Variants in PDZRN4 observed in about 807,000 individuals in gnomAD.
PDZRN4 encodes the protein PDZ domain containing ring finger 4.
In PDZRN4, 70 loss-of-function variants were observed where a neutral mutation model predicts 99.0. The observed-to-expected ratio is 0.71, with a 90% CI of 0.58 to 0.86. The LOEUF (loss-of-function observed/expected upper bound fraction) is 0.86, where lower values mean the gene tolerates loss of function less well. Ranked by LOEUF, PDZRN4 falls within the 40% of genes least tolerant of loss-of-function variation. PDZRN4 has a pLI of 0.00. For synonymous variants in PDZRN4, 551 were observed against 501.6 expected (o/e 1.10, Z -1.32); for missense variants, 1,474 against 1,331.2 (o/e 1.11, Z -1.67).
In PDZRN4 at chr12:41,573,414, T is replaced by G; in HGVS notation, c.2635T>G (p.Ser879Ala). ...CAGCTTGGTGAGCATGTGCAAGGAG[T>G]CTCAGAAGTGTTCAGAGCCCAAGAT... ...QLSLVSMCKE[S>A]QKCSEPKMEW... Residue 879 changes from serine (S) to alanine (A), a missense_variant, in exon 10 of 10, where the codon TCT (serine) becomes GCT (alanine). By Grantham distance (99) the Ser-to-Ala change is moderately conservative. Coordinates refer to ENST00000402685, the MANE Select transcript of PDZRN4 (RefSeq NM_001164595.2). The G allele has an allele frequency of 6.2e-7, 1 of 1,613,070 alleles. No individual in the cohort carries two copies. The highest frequency in any genetic ancestry group is 8.5e-7 in the Non-Finnish European group (1 of 1,179,900).
chr12:41,195,909 G>T (rs1950768448), intron 3 of PDZRN4, among the ~76,000 whole-genome samples: 1 of 151,976 alleles, frequency 6.6e-6, no homozygotes. Flanking sequence ...ATTATTAGAA[G>T]AACTGATGGA....
chr12:41,461,272 G>T, intron 3 of PDZRN4, among the ~76,000 whole-genome samples: 1 of 151,540 alleles, frequency 6.6e-6, no homozygotes, highest in South Asian at 2.1e-4. Flanking sequence ...ATAGGTAAAC[G>T]TGCATCATGG....
chr12:41,274,538 A>G (rs1255333853), intron 3 of PDZRN4, among the ~76,000 whole-genome samples: 3 of 152,162 alleles, frequency 2.0e-5, no homozygotes, highest in Non-Finnish European at 4.4e-5. Context: ...AGTACCATAG[A>G]TGCTCAGGGA....
At chr12:41,216,193 T>A (rs1348057768) in intron 3 of PDZRN4, among the ~76,000 whole-genome samples, 2 of 152,000 alleles carry the variant, frequency 1.3e-5, no homozygotes, top group African/African-American at 4.8e-5. Context: ...ATTCAAAGTA[T>A]TGTTCTGGAC....
At chr12:41,387,171 G>A (rs1240954982) in intron 3 of PDZRN4, among the ~76,000 whole-genome samples, 2 of 152,134 alleles carry the variant, frequency 1.3e-5, no homozygotes, top group Admixed American at 6.5e-5. Context: ...ACTATCAACA[G>A]AGTACATAAC....
intron 3 of PDZRN4, among the ~76,000 whole-genome samples, chr12:41,355,342 A>G (rs1389973495): frequency 2.0e-5 from 3 of 151,994 alleles, no homozygotes; most frequent in Non-Finnish European, 2.9e-5. Flanking sequence ...CTTTGTTAGG[A>G]TGGGCCCTAC....
intron 3 of PDZRN4, among the ~76,000 whole-genome samples, chr12:41,338,552 A>C (rs1418961296): frequency 6.6e-6 from 1 of 152,024 alleles, no homozygotes; most frequent in African/African-American, 2.4e-5. Context: ...AAAAATCAAC[A>C]AAACTTCAAC....
At chr12:41,475,502 A>G (rs1456843741) in intron 3 of PDZRN4, among the ~76,000 whole-genome samples, 3 of 152,168 alleles carry the variant, frequency 2.0e-5, no homozygotes, top group Admixed American at 2.0e-4. Flanking sequence ...TTGCTAGGCT[A>G]TAAGTGATGT....
intron 6 of PDZRN4, among the ~76,000 whole-genome samples, chr12:41,555,422 G>A (rs1939140325): frequency 6.6e-6 from 1 of 151,442 alleles, no homozygotes; most frequent in South Asian, 2.1e-4. Context: ...AAGAATGAAG[G>A]GAAAAAGGAA....
At chr12:41,246,099 C>T (rs1951132171) in intron 3 of PDZRN4, among the ~76,000 whole-genome samples, 1 of 152,104 alleles carries the variant, frequency 6.6e-6, no homozygotes, top group Non-Finnish European at 1.5e-5. Flanking sequence ...AGACATGTTC[C>T]AACTGTAGGG....
intron 3 of PDZRN4, among the ~76,000 whole-genome samples, chr12:41,449,481 G>A (rs947085367): frequency 1.3e-5 from 2 of 152,132 alleles, no homozygotes; most frequent in African/African-American, 4.8e-5. Flanking sequence ...GATGATGAAG[G>A]TGACACAATA....
intron 3 of PDZRN4, among the ~76,000 whole-genome samples, chr12:41,248,940 C>A (rs1437932649): frequency 6.6e-6 from 1 of 151,942 alleles, no homozygotes; most frequent in Non-Finnish European, 1.5e-5. Context: ...AACCAGAAAG[C>A]ATTTAGATTT....
At chr12:41,563,142 C>T (rs1462295217) in intron 7 of PDZRN4, among the ~76,000 whole-genome samples, 3 of 152,106 alleles carry the variant, frequency 2.0e-5, no homozygotes, top group East Asian at 3.9e-4. Context: ...AATTGGCTCG[C>T]GGCAAGCGTG....
intron 3 of PDZRN4, among the ~76,000 whole-genome samples, chr12:41,226,551 T>C: frequency 6.9e-6 from 1 of 145,946 alleles, no homozygotes; most frequent in Non-Finnish European, 1.5e-5. Flanking sequence ...TCCATAATCT[T>C]AAAAAAAAAA....
chr12:41,370,020 C>T (rs1238942667), intron 3 of PDZRN4, among the ~76,000 whole-genome samples: 1 of 151,714 alleles, frequency 6.6e-6, no homozygotes, highest in Non-Finnish European at 1.5e-5. Flanking sequence ...TCTCAAAGGA[C>T]CTCAGGATAT....
chr12:41,496,353 G>A (rs1026318139), intron 3 of PDZRN4, among the ~76,000 whole-genome samples: 1 of 152,112 alleles, frequency 6.6e-6, no homozygotes, highest in African/African-American at 2.4e-5. Context: ...CCATAGCACT[G>A]TGCCGGCTCC....
intron 5 of PDZRN4, among the ~76,000 whole-genome samples, chr12:41,515,417 G>A (rs1287060685): frequency 6.6e-6 from 1 of 151,584 alleles, no homozygotes; most frequent in Non-Finnish European, 1.5e-5. Flanking sequence ...CTTACTACTG[G>A]GGCAGTAAAA....
rs1950753481 is a variant in PDZRN4, at chr12:41,193,941, G to T, written c.736-140G>T. On this transcript the variant is annotated intron_variant, in intron 2 of 9. Transcript: ENST00000402685. ...TTAATGACTAGTTGGTGTTAAGTAA[G>T]TTAAAATTCTGTTCCAAATCCCCAG... 5.0e-6 allele frequency: 3 copies of T among 594,902 alleles called. No homozygotes were observed. The African/African-American group carries it at 5.6e-5, about 11-fold the overall frequency. The allele number at this position is 594,902 out of a possible 1,614,324, so 36.9% of individuals were successfully genotyped here.
rs866777152 is a variant in PDZRN4 at position 41,351,137 on chromosome 12, A to G, written c.844-155319A>G. Among the ~76,000 whole-genome samples, 23 of 152,250 alleles carry G rather than the reference A, an allele frequency of 1.5e-4. No individual in the cohort carries two copies. The South Asian group carries it at 2.3e-3, about 15-fold the overall frequency. On this transcript the variant is annotated intron_variant, in intron 3 of 9. Transcript: ENST00000402685. ...GAAATATATGACTTGAGTTTTACAT[A>G]CAGAAATCTAGCATGAAGACATAGA...
Sources: allele counts gnomAD v4.1 joint callset (sites outside exome capture counted in the v4.1 genomes callset), GRCh38; gene constraint gnomAD v4.1.1; transcripts MANE v1.5; gene names NCBI Gene and HGNC (gene_info 2026-07-23, HGNC 2026-07-21).